UGT1A6: variants seen among roughly 807,000 people sequenced by gnomAD.
UGT1A6 encodes UDP glucuronosyltransferase family 1 member A6.
In UGT1A6, 32 loss-of-function variants were observed where a neutral mutation model predicts 44.4. The ratio of observed to expected loss-of-function variants is 0.72; its 90% CI spans 0.54 to 0.97. UGT1A6 has a LOEUF of 0.97. UGT1A6 is among the 50% of genes least tolerant of loss of function. The pLI is 0.00. For missense variants in UGT1A6, 685 were observed against 661.9 expected, an observed-to-expected ratio of 1.03 and a Z score of -0.38; for synonymous variants, 238 against 248.5, an observed-to-expected ratio of 0.96 and a Z score of 0.40.
intron 1 of UGT1A6, chr2:233,729,534 C>T (rs1281653425): frequency 6.2e-7 from 1 of 1,614,090 alleles, no homozygotes; most frequent in Non-Finnish European, 8.5e-7. Context: ...ATAATGAGGC[C>T]CTGATCAGGC....
intron 1 of UGT1A6, among the ~76,000 whole-genome samples, chr2:233,694,648 CTTT>C (rs745676395): frequency 2.6e-5 from 4 of 152,166 alleles, no homozygotes; most frequent in Admixed American, 6.5e-5. Context: ...TTTCCAGTTC[CTTT>C]TTTATCAGAG....
chr2:233,725,813 T>C (rs566804678), intron 1 of UGT1A6, among the ~76,000 whole-genome samples: 29 of 152,324 alleles, frequency 1.9e-4, no homozygotes, highest in African/African-American at 7.0e-4. Context: ...ATCCATTTTA[T>C]TGGATACCAG....
At chr2:233,700,813 C>CAT (rs2075589414) in intron 1 of UGT1A6, among the ~76,000 whole-genome samples, 1 of 151,890 alleles carries the variant, frequency 6.6e-6, no homozygotes, top group African/African-American at 2.4e-5. Context: ...TGTTGGTGTG[C>CAT]TGCACCCATT....
At chr2:233,713,933 C>T (rs2076357446) in intron 1 of UGT1A6, 1 of 1,611,438 alleles carries the variant, frequency 6.2e-7, no homozygotes, top group Non-Finnish European at 8.5e-7. Context: ...CTTACAAGTG[C>T]TTCCATATCT....
chr2:233,751,479 G>A (rs184268355), intron 1 of UGT1A6, among the ~76,000 whole-genome samples: 7 of 152,348 alleles, frequency 4.6e-5, no homozygotes, highest in Admixed American at 3.9e-4. Flanking sequence ...GTTTTGAAAT[G>A]TGAAAAGACA....
intron 1 of UGT1A6, among the ~76,000 whole-genome samples, chr2:233,766,184 T>A (rs1169450089): frequency 6.6e-6 from 1 of 152,052 alleles, no homozygotes; most frequent in Non-Finnish European, 1.5e-5. Context: ...ATTGAGTGGA[T>A]GTAGCTCTCA....
intron 1 of UGT1A6, among the ~76,000 whole-genome samples, chr2:233,705,038 A>C (rs1020748374): frequency 6.6e-6 from 1 of 151,956 alleles, no homozygotes; most frequent in Non-Finnish European, 1.5e-5. Context: ...CGGGAGGCTG[A>C]GGCAGGAGAA....
chr2:233,724,124 T>C (rs2077171424), intron 1 of UGT1A6, among the ~76,000 whole-genome samples: 1 of 109,210 alleles, frequency 9.2e-6, no homozygotes. Flanking sequence ...GAGGCGCCCC[T>C]CACCTCCCGG....
chr2:233,759,131 C>T (rs889675688), intron 1 of UGT1A6, among the ~76,000 whole-genome samples: 18 of 152,174 alleles, frequency 1.2e-4, no homozygotes, highest in African/African-American at 3.6e-4. Flanking sequence ...GCCTCTGGTA[C>T]GCAATGAAGG....
chr2:233,703,454 C>T (rs1254325924), intron 1 of UGT1A6, among the ~76,000 whole-genome samples: 1 of 151,444 alleles, frequency 6.6e-6, no homozygotes, highest in Non-Finnish European at 1.5e-5. Flanking sequence ...GTTAATTTCC[C>T]CTCTATTCTT....
At chr2:233,700,072 A>C (rs2075542026) in intron 1 of UGT1A6, among the ~76,000 whole-genome samples, 2 of 152,198 alleles carry the variant, frequency 1.3e-5, no homozygotes, top group South Asian at 4.1e-4. Flanking sequence ...GTGTCTACCC[A>C]GCAAGGCCCC....
chr2:233,730,218 T>C (rs2078001973), intron 1 of UGT1A6, among the ~76,000 whole-genome samples: 1 of 152,086 alleles, frequency 6.6e-6, no homozygotes, highest in Admixed American at 6.5e-5. Context: ...ACACGAATGT[T>C]TGTAAAAGGA....
intron 1 of UGT1A6, among the ~76,000 whole-genome samples, chr2:233,759,862 C>CG (rs1187070955): frequency 6.6e-6 from 1 of 152,064 alleles, no homozygotes; most frequent in African/African-American, 2.4e-5. Context: ...ATGGCGAAAG[C>CG]GGGGGTACAG....
Position 233,772,565 on chromosome 2 carries a change from G to A in UGT1A6, c.*6G>A. ...ACAAATCCAAGACCCATTGAGAAGT[G>A]GGTGGGAAATAAGGTAAAATTTTGA... On this transcript the variant is annotated 3_prime_UTR_variant, in exon 5 of 5. Coordinates refer to ENST00000305139, the MANE Select transcript of UGT1A6 (RefSeq NM_001072.4). 6.2e-7 allele frequency: 1 copy of A among 1,613,202 alleles called. No homozygotes were observed.
chr2:233,758,119 CATAAAT>C (rs775438808), intron 1 of UGT1A6, among the ~76,000 whole-genome samples: 2 of 152,188 alleles, frequency 1.3e-5, no homozygotes, highest in Admixed American at 6.5e-5. Flanking sequence ...TCACACGTTC[CATAAAT>C]ATTTGGCAGA....
chr2:233,728,197 T>C (rs2077689695), intron 1 of UGT1A6, among the ~76,000 whole-genome samples: 1 of 152,224 alleles, frequency 6.6e-6, no homozygotes, highest in Non-Finnish European at 1.5e-5. Flanking sequence ...TGGTGCTGGA[T>C]TGACTTGGAG....
At chr2:233,766,403 C>G (rs889722071) in intron 1 of UGT1A6, among the ~76,000 whole-genome samples, 2 of 152,178 alleles carry the variant, frequency 1.3e-5, no homozygotes, top group Non-Finnish European at 2.9e-5. Context: ...TGCGTCCCTC[C>G]GCTGATGTGC....
rs1436464703 is a variant in UGT1A6 at position 233,735,153 on chromosome 2, C to G, written c.862-31881C>G. Among the ~76,000 whole-genome samples the G allele has an allele frequency of 3.9e-5, 6 of 152,130 alleles. No individual in the cohort carries two copies. In the East Asian group the frequency reaches 1.2e-3, roughly 29 times the overall value. ...ATTATTATTGTGTGGGAGTCTAAGT[C>G]TCTGTGTAGGTCTCTAAGAACTTGC... On this transcript the variant is annotated intron_variant, in intron 1 of 4. Coordinates refer to ENST00000305139, the MANE Select transcript of UGT1A6 (RefSeq NM_001072.4).
At chr2:233,725,746 A>G (rs561123272) in intron 1 of UGT1A6, among the ~76,000 whole-genome samples, 3 of 152,340 alleles carry the variant, frequency 2.0e-5, no homozygotes, top group African/African-American at 7.2e-5. Context: ...AAACATTGTA[A>G]GAGACTTACA....
Sources: allele counts gnomAD v4.1 joint callset (sites outside exome capture counted in the v4.1 genomes callset), GRCh38; gene constraint gnomAD v4.1.1; transcripts MANE v1.5; gene names NCBI Gene and HGNC (gene_info 2026-07-23, HGNC 2026-07-21).